GFRA2: variants seen among roughly 807,000 people sequenced by gnomAD.
GFRA2 encodes the protein GDNF family receptor alpha-2.
A neutral mutation model predicts 48.3 loss-of-function variants in GFRA2; 17 were observed. The observed-to-expected ratio is 0.35, with a 90% CI of 0.24 to 0.53. The LOEUF is 0.53. Ranked by LOEUF, GFRA2 falls within the 20% of genes least tolerant of loss-of-function variation. GFRA2 has a pLI of 0.93. For missense variants in GFRA2, 660 were observed against 637.3 expected, an observed-to-expected ratio of 1.04 and a Z score of -0.38; for synonymous variants, 305 against 257.2, an observed-to-expected ratio of 1.19 and a Z score of -1.78.
At chr8:21,783,072 C>T in intron 1 of GFRA2, 173 bp from the exon 2 acceptor site, 1 of 718,482 alleles carries the variant, frequency 1.4e-6, no homozygotes. Context: ...ACTCAGGCAT[C>T]ATCCTCCCCT....
intron 4 of GFRA2, among the ~76,000 whole-genome samples, chr8:21,710,861 G>C (rs748851900): frequency 6.6e-6 from 1 of 152,234 alleles, no homozygotes; most frequent in Non-Finnish European, 1.5e-5. Flanking sequence ...GCCTTGGCAA[G>C]ATAAAGTGAC....
intron 3 of GFRA2, among the ~76,000 whole-genome samples, chr8:21,761,487 C>T (rs997681132): frequency 6.6e-6 from 1 of 152,208 alleles, no homozygotes; most frequent in Non-Finnish European, 1.5e-5. Context: ...CAAGTGTGCA[C>T]AGGTTATGTA....
intron 3 of GFRA2, among the ~76,000 whole-genome samples, chr8:21,766,383 C>T (rs1654105370): frequency 6.6e-6 from 1 of 152,004 alleles, no homozygotes; most frequent in South Asian, 2.1e-4. Context: ...AAACTCCATA[C>T]GAGCAGCACC....
intron 7 of GFRA2, among the ~76,000 whole-genome samples, chr8:21,695,656 C>T (rs867905653): frequency 6.6e-4 from 100 of 152,260 alleles, no homozygotes; most frequent in Middle Eastern, 3.4e-3. Flanking sequence ...CAGAAGGGCA[C>T]GTGCTCGACA....
Position 21,749,239 on chromosome 8 carries a change from C to CAAA in GFRA2, c.794+1346_794+1348dup, listed in dbSNP as rs1349224127. On this transcript the variant is annotated intron_variant, in intron 4 of 8. Transcript: ENST00000524240. ...GCACCACCACCCGCCCCTCCCCCTG[C>CAAA]AAAAAAAAAAAAAAACTACCTTCCT... Among the ~76,000 whole-genome samples the CAAA allele has an allele frequency of 1.7e-4, 20 of 118,040 alleles. 1 individual carries two copies. The highest frequency in any genetic ancestry group is 8.3e-4 in the South Asian group (3 of 3,632). The allele number at this position is 118,040 out of a possible 152,430, so 77.4% of individuals were successfully genotyped here.
At position 21,692,864 on chromosome 8, in the gene GFRA2, A is replaced by C. The variant is rs967614253; in HGVS notation, c.*414T>G. 3 of 153,656 alleles carry C rather than the reference A, an allele frequency of 2.0e-5. No homozygotes were observed. The highest frequency in any genetic ancestry group is 4.1e-4 in the South Asian group (2 of 4,880). 9.5% of individuals were successfully genotyped at this position (153,656 alleles called of 1,614,324 possible). On this transcript the variant is annotated 3_prime_UTR_variant, in exon 9 of 9. Transcript: ENST00000524240. ...CTGCCAGCCCCCAGCGGGTCCCCAGAGTGGGCAGCCTGGGGAAGCAGCTGT... is the reference window on the plus strand; with the variant it reads ...CTGCCAGCCCCCAGCGGGTCCCCAGCGTGGGCAGCCTGGGGAAGCAGCTGT...
At chr8:21,766,920 TAC>T (rs369473201) in intron 3 of GFRA2, among the ~76,000 whole-genome samples, 2 of 96,218 alleles carry the variant, frequency 2.1e-5, no homozygotes, top group East Asian at 3.6e-4. Context: ...AACACATACC[TAC>T]ACACACAAAC....
At chr8:21,696,903 A>AT (rs1802204732) in intron 7 of GFRA2, among the ~76,000 whole-genome samples, 1 of 113,470 alleles carries the variant, frequency 8.8e-6, no homozygotes, top group African/African-American at 3.3e-5. Context: ...GGACAGAGTG[A>AT]GAGGAGAGGG....
At position 21,705,975 on chromosome 8, in the gene GFRA2, C is replaced by T. The variant is rs1263414616; in HGVS notation, c.861G>A (p.Ala287=). The change falls in exon 5 of 9, where the codon GCG becomes GCA. Residue 287 remains alanine, a synonymous_variant. Coordinates refer to ENST00000524240, the MANE Select transcript of GFRA2 (RefSeq NM_001495.5). The part of the protein sequence containing the change: ...ASYQTVTSCP[A]DNYQACLGSY... ...AGCCCAGACACGCCTGGTAATTGTC[C>T]GCAGGGCAGCTGGTGACCGTCTGGT... The T allele has an allele frequency of 7.6e-6, 12 of 1,578,356 alleles. No individual in the cohort carries two copies. In the Admixed American group the frequency reaches 9.1e-5, roughly 12 times the overall value.
rs1379515419 is a variant in GFRA2, at chr8:21,750,980, A to C, written c.440-38T>G. 7.2e-7 allele frequency: 1 copy of C among 1,386,664 alleles called. No individual in the cohort carries two copies. The highest frequency in any genetic ancestry group is 1.0e-6 in the Non-Finnish European group (1 of 991,490). 85.9% of individuals were successfully genotyped at this position (1,386,664 alleles called of 1,614,324 possible). A position where few individuals can be genotyped will look rare whatever the true frequency, so the allele number is the denominator to read the frequency against. On this transcript the variant is annotated intron_variant, in intron 3 of 8. Transcript: ENST00000524240. This position sits in a 1 kb window ranked among gnomAD's most constrained non-coding sequence, Gnocchi z 5.7. ...CAAGAGAGCAGGTCAGAGGCCACAC[A>C]AGCATGAGGAGGACACAGCTGCCCC...
intron 7 of GFRA2, among the ~76,000 whole-genome samples, chr8:21,696,041 C>T (rs905542657): frequency 1.3e-5 from 2 of 150,870 alleles, no homozygotes; most frequent in African/African-American, 2.4e-5. Context: ...ATTGGGAGCC[C>T]TCTCCTTTGT....
At position 21,774,972 on chromosome 8, in the gene GFRA2, C is replaced by T; in HGVS notation, c.439G>A (p.Gly147Arg). The T allele has an allele frequency of 1.3e-6, 2 of 1,564,382 alleles. No individual in the cohort carries two copies. The highest frequency in any genetic ancestry group is 2.2e-5 in the South Asian group (2 of 89,990). Reference sequence around the variant, plus strand: ...CAAGTCCCAGTGCGAGCTCACTTACCTGAGAAGATTGAAGCAAGCCTGAAG... The same window carrying T: ...CAAGTCCCAGTGCGAGCTCACTTACTTGAGAAGATTGAAGCAAGCCTGAAG... ...DIFRLASIFS[G>R]TGADPVVSAK... Residue 147 changes from glycine (G) to arginine (R), a missense_variant and splice_region_variant, in exon 3 of 9, where the codon GGG (glycine) becomes AGG (arginine). By Grantham distance (125) the Gly-to-Arg change is moderately radical. Coordinates refer to ENST00000524240, the MANE Select transcript of GFRA2 (RefSeq NM_001495.5).
At position 21,693,132 on chromosome 8, in the gene GFRA2, C is replaced by A; in HGVS notation, c.*146G>T. ...ACAAAAACTTCTCCAGAGAAGAAAC[C>A]TGGGAGGAGACAGGTTCAGCGACAA... On this transcript the variant is annotated 3_prime_UTR_variant, in exon 9 of 9. Transcript: ENST00000524240. 2 of 695,006 alleles carry A rather than the reference C, an allele frequency of 2.9e-6. No homozygotes were observed. Among genetic ancestry groups the A allele is most frequent in the Non-Finnish European group, 4.2e-6 (2 of 475,516 alleles). 43.1% of individuals were successfully genotyped at this position (695,006 alleles called of 1,614,324 possible). A position where few individuals can be genotyped will look rare whatever the true frequency, so the allele number is the denominator to read the frequency against.
intron 3 of GFRA2, among the ~76,000 whole-genome samples, chr8:21,770,128 G>A (rs1806374635): frequency 6.6e-6 from 1 of 152,190 alleles, no homozygotes; most frequent in African/African-American, 2.4e-5. Context: ...GGGACCCACA[G>A]CTCTCTGGAA....
intron 7 of GFRA2, among the ~76,000 whole-genome samples, chr8:21,699,806 A>G (rs1365575750): frequency 6.6e-6 from 1 of 152,178 alleles, no homozygotes; most frequent in Non-Finnish European, 1.5e-5. Flanking sequence ...AATGAATCCA[A>G]TGAACTGGGG....
chr8:21,700,056 C>T (rs574458821), intron 7 of GFRA2, among the ~76,000 whole-genome samples: 2 of 152,224 alleles, frequency 1.3e-5, no homozygotes, highest in East Asian at 3.9e-4. Flanking sequence ...CAAGAGGTGA[C>T]ATCAGGGTAG....
At chr8:21,801,306 G>A (rs1263172970) in intron 2 of GFRA2, among the ~76,000 whole-genome samples, 10 of 152,142 alleles carry the variant, frequency 6.6e-5, no homozygotes, top group African/African-American at 2.4e-4. Flanking sequence ...CTGCAGGACT[G>A]GGAGGCAGGA....
intron 3 of GFRA2, among the ~76,000 whole-genome samples, chr8:21,774,369 G>T (rs1806587003): frequency 6.6e-6 from 1 of 152,120 alleles, no homozygotes; most frequent in Non-Finnish European, 1.5e-5. Flanking sequence ...CACAGGGGGT[G>T]GCCTGAGGAC....
In GFRA2 at chr8:21,741,920, CAAAA is replaced by C. The variant is rs74424608; in HGVS notation, c.794+8664_794+8667del. ...TGGGTGACAGAGCAAGACTCCATCT[CAAAA>C]AAAAAAAAAAAGAAAGAAAGAAAGA... On this transcript the variant is annotated intron_variant, in intron 4 of 8. Transcript: ENST00000524240. Among the ~76,000 whole-genome samples the C allele has an allele frequency of 7.1e-3, 746 of 105,186 alleles. 6 individuals are homozygous for C. Among genetic ancestry groups the C allele is most frequent in the African/African-American group, 0.021 (719 of 34,088 alleles). 69.0% of individuals were successfully genotyped at this position (105,186 alleles called of 152,430 possible).
Sources: allele counts gnomAD v4.1 joint callset (sites outside exome capture counted in the v4.1 genomes callset), GRCh38; gene constraint gnomAD v4.1.1; non-coding constraint Gnocchi (gnomAD v3.1); transcripts MANE v1.5; gene names NCBI Gene and HGNC (gene_info 2026-07-23, HGNC 2026-07-21).